The following PDE10A variants were observed in gnomAD, a reference collection of about 807,000 sequenced individuals.
PDE10A encodes the protein phosphodiesterase 10A, also known as cAMP and cAMP-inhibited cGMP 3',5'-cyclic phosphodiesterase 10A.
In PDE10A, 39 loss-of-function variants were observed where a neutral mutation model predicts 97.7. The ratio of observed to expected loss-of-function variants is 0.40; its 90% CI spans 0.31 to 0.52. The LOEUF (loss-of-function observed/expected upper bound fraction) is 0.52, where lower values mean the gene tolerates loss of function less well. Ranked by LOEUF, PDE10A falls within the 20% of genes least tolerant of loss-of-function variation. The pLI, the probability that PDE10A is intolerant of heterozygous loss-of-function variation, is 0.56. For synonymous variants in PDE10A, 371 were observed against 376.8 expected (o/e 0.98, Z 0.18); for missense variants, 731 against 1,047.8 (o/e 0.70, Z 4.17).
chr6:165,405,909 T>G (rs551112260), intron 13 of PDE10A, among the ~76,000 whole-genome samples: 2 of 152,316 alleles, frequency 1.3e-5, no homozygotes. Context: ...TGCCAAGGAA[T>G]ATTTCAAATA....
chr6:165,384,893 C>A (rs1785190317), intron 17 of PDE10A, among the ~76,000 whole-genome samples: 1 of 152,028 alleles, frequency 6.6e-6, no homozygotes, highest in Non-Finnish European at 1.5e-5. Flanking sequence ...GAACTATTTC[C>A]AACCATCATA....
chr6:165,351,837 A>G (rs959768434), intron 18 of PDE10A, among the ~76,000 whole-genome samples: 1 of 152,232 alleles, frequency 6.6e-6, no homozygotes, highest in African/African-American at 2.4e-5. Context: ...TCCATAAAAT[A>G]AATAATGAAA....
At chr6:165,553,824 AATGATAACATAAAG>A (rs1241101150) in intron 1 of PDE10A, among the ~76,000 whole-genome samples, 1 of 152,226 alleles carries the variant, frequency 6.6e-6, no homozygotes, top group Non-Finnish European at 1.5e-5. Flanking sequence ...AGCTGCTCAA[AATGATAACATAAAG>A]ATGAAAAACA....
At chr6:165,472,620 T>C (rs1779079988) in intron 3 of PDE10A, among the ~76,000 whole-genome samples, 1 of 152,146 alleles carries the variant, frequency 6.6e-6, no homozygotes, top group Non-Finnish European at 1.5e-5. Context: ...TACATTTGGG[T>C]TTAAAAAGCC....
At chr6:165,656,524 G>T (rs75743521) in intron 1 of PDE10A, among the ~76,000 whole-genome samples, 2,437 of 151,880 alleles carry the variant, frequency 0.016, 40 homozygotes, top group Non-Finnish European at 0.028. Flanking sequence ...AGCACAGAGG[G>T]GATTCTTTCT....
At chr6:165,604,518 T>TAAAAAAAAAAAAAAAA (rs34272357) in intron 1 of PDE10A, among the ~76,000 whole-genome samples, 5 of 137,766 alleles carry the variant, frequency 3.6e-5, no homozygotes, top group African/African-American at 1.4e-4. Flanking sequence ...CTCTCTTTGT[T>TAAAAAAAAAAAAAAAA]AAAAAAAAAA....
intron 1 of PDE10A, among the ~76,000 whole-genome samples, chr6:165,789,264 T>C (rs1778582711): frequency 6.6e-6 from 1 of 152,194 alleles, no homozygotes. Context: ...TGTTTCATAA[T>C]CCTCCAGTAA....
At chr6:165,409,656 A>G (rs1199201840) in intron 13 of PDE10A, 4 of 154,300 alleles carry the variant, frequency 2.6e-5, no homozygotes, top group Non-Finnish European at 4.3e-5. Flanking sequence ...GGGAGAAAGA[A>G]AAGGTAACCA....
rs577729417 is a variant in PDE10A, at chr6:165,826,637, G to A, written c.-615+160892C>T. Reference sequence around the variant, plus strand: ...TCTGCTGGAACCATAGGGGTGGTGCGGGGGAGGCCGAGGTACCCCCGTGTG... The same window carrying A: ...TCTGCTGGAACCATAGGGGTGGTGCAGGGGAGGCCGAGGTACCCCCGTGTG... On this transcript the variant is annotated intron_variant, in intron 1 of 19. Transcript: ENST00000366882. Among the ~76,000 whole-genome samples the A allele has an allele frequency of 1.2e-4, 18 of 152,210 alleles. No individual in the cohort carries two copies. The South Asian group carries it at 3.5e-3, about 30-fold the overall frequency.
intron 12 of PDE10A, among the ~76,000 whole-genome samples, chr6:165,414,391 G>A (rs985634713): frequency 2.0e-5 from 3 of 152,192 alleles, no homozygotes; most frequent in Non-Finnish European, 4.4e-5. Context: ...TAGAAACAGT[G>A]ACATAGCTAA....
chr6:165,460,799 T>G (rs1005095879), intron 3 of PDE10A, among the ~76,000 whole-genome samples: 2 of 152,126 alleles, frequency 1.3e-5, no homozygotes, highest in African/African-American at 4.8e-5. Context: ...TCCAGAACAA[T>G]TATATAGCCC....
chr6:165,606,576 T>C (rs142933489), intron 1 of PDE10A, among the ~76,000 whole-genome samples: 1 of 152,246 alleles, frequency 6.6e-6, no homozygotes, highest in East Asian at 1.9e-4. Context: ...ACTCACATCA[T>C]AAACTTGCAA....
chr6:165,852,857 C>T (rs1472232215), intron 1 of PDE10A, among the ~76,000 whole-genome samples: 2 of 152,242 alleles, frequency 1.3e-5, no homozygotes, highest in Non-Finnish European at 2.9e-5. Flanking sequence ...TACATTCAAA[C>T]GCCCCTGCTT....
At chr6:165,366,854 A>G (rs962635468) in intron 18 of PDE10A, among the ~76,000 whole-genome samples, 6 of 152,196 alleles carry the variant, frequency 3.9e-5, no homozygotes, top group African/African-American at 1.4e-4. Context: ...ATTGATGAGA[A>G]ATGCAACTGG....
intron 2 of PDE10A, among the ~76,000 whole-genome samples, chr6:165,514,743 G>T (rs577860923): frequency 1.2e-4 from 18 of 152,314 alleles, no homozygotes; most frequent in African/African-American, 4.3e-4. Context: ...CAGAACCTCT[G>T]GACCAACTAC....
chr6:165,629,459 G>A (rs767678973), intron 1 of PDE10A, among the ~76,000 whole-genome samples: 2 of 147,950 alleles, frequency 1.4e-5, no homozygotes, highest in African/African-American at 2.5e-5. Flanking sequence ...AAACTCTTTT[G>A]TTTTGTTAAT....
At chr6:165,496,825 A>G (rs1780564842) in intron 2 of PDE10A, among the ~76,000 whole-genome samples, 1 of 152,250 alleles carries the variant, frequency 6.6e-6, no homozygotes, top group Non-Finnish European at 1.5e-5. Flanking sequence ...AGAGGTTTAA[A>G]ATCTCTTTGT....
chr6:165,839,908 A>ATCTTCAT (rs1562762597), intron 1 of PDE10A, among the ~76,000 whole-genome samples: 4 of 11,666 alleles, frequency 3.4e-4, no homozygotes, highest in African/African-American at 6.5e-4. Context: ...CCCATCTCCA[A>ATCTTCAT]CTCCATCCCC....
At chr6:165,677,979 GTGTT>G (rs894243165) in intron 1 of PDE10A, among the ~76,000 whole-genome samples, 2 of 151,474 alleles carry the variant, frequency 1.3e-5, no homozygotes, top group Non-Finnish European at 2.9e-5. Flanking sequence ...TGTTTTGTGT[GTGTT>G]TGTATACCCA....
Sources: gnomAD v4.1 joint callset for allele counts (sites outside exome capture counted in the v4.1 genomes callset) on GRCh38, gnomAD v4.1.1 for gene constraint, MANE v1.5 for transcripts, NCBI Gene and HGNC (gene_info 2026-07-23, HGNC 2026-07-21) for gene names.